OR9Q1: variants seen among roughly 807,000 people sequenced by gnomAD.
The protein encoded by OR9Q1 is olfactory receptor 9Q1.
For synonymous variants in OR9Q1, 153 were observed against 148.6 expected, an observed-to-expected ratio of 1.03 and a Z score of -0.22; for missense variants, 374 against 378.8, an observed-to-expected ratio of 0.99 and a Z score of 0.11.
chr11:58,148,487 T>A (rs1306016527), intron 2 of OR9Q1, among the ~76,000 whole-genome samples: 1 of 152,132 alleles, frequency 6.6e-6, no homozygotes, highest in African/African-American at 2.4e-5. Context: ...CAATTCTATT[T>A]GTCTAAGCTA....
At chr11:58,139,727 A>G (rs1315855377) in intron 2 of OR9Q1, among the ~76,000 whole-genome samples, 2 of 152,100 alleles carry the variant, frequency 1.3e-5, no homozygotes, top group Admixed American at 6.6e-5. Flanking sequence ...TATTGTGAAT[A>G]GTGCTGCAAT....
chr11:58,029,327 T>C (rs751489540), intron 1 of OR9Q1, among the ~76,000 whole-genome samples: 2 of 152,146 alleles, frequency 1.3e-5, no homozygotes, highest in Non-Finnish European at 2.9e-5. Context: ...ACAGGCTGGA[T>C]AGGCTTCCTC....
intron 1 of OR9Q1, among the ~76,000 whole-genome samples, chr11:58,025,327 A>G (rs1247339181): frequency 6.6e-6 from 1 of 151,988 alleles, no homozygotes. Flanking sequence ...CCGTGCTACT[A>G]TAGGGTGTGT....
At chr11:58,098,496 ATTAACTTTGT>A (rs1371396316) in intron 2 of OR9Q1, among the ~76,000 whole-genome samples, 1 of 152,116 alleles carries the variant, frequency 6.6e-6, no homozygotes, top group Non-Finnish European at 1.5e-5. Context: ...AGGGACAAAA[ATTAACTTTGT>A]TGGAGTTTTA....
intron 2 of OR9Q1, among the ~76,000 whole-genome samples, chr11:58,147,891 A>G (rs920977308): frequency 1.3e-5 from 2 of 152,216 alleles, no homozygotes; most frequent in Non-Finnish European, 2.9e-5. Context: ...GATTCTACAC[A>G]TATTCTCTTA....
At chr11:58,126,845 G>A (rs770593950) in intron 2 of OR9Q1, among the ~76,000 whole-genome samples, 5 of 152,142 alleles carry the variant, frequency 3.3e-5, no homozygotes, top group Non-Finnish European at 5.9e-5. Context: ...GTAGAATGGG[G>A]TGACTATACA....
rs147196085 is a variant in OR9Q1, at chr11:58,179,665, C to T, written c.221C>T (p.Ser74Leu). 1 of 1,613,776 alleles carries T rather than the reference C, an allele frequency of 6.2e-7. No homozygotes were observed. The highest frequency in any genetic ancestry group is 1.3e-5 in the African/African-American group (1 of 74,938). Residue 74 changes from serine (S) to leucine (L), a missense_variant, in exon 3 of 3, where the codon TCA becomes TTA. Transcript: ENST00000335397. Reference sequence around the variant, plus strand: ...CTCGCTTTCATGGACGTCTGCTACTCATCTATCACTGTCCCCCAGATGCTG... The same window carrying T: ...CTCGCTTTCATGGACGTCTGCTACTTATCTATCACTGTCCCCCAGATGCTG... ...SHLAFMDVCY[S>L]SITVPQMLAV...
In OR9Q1 at chr11:58,151,085, A is replaced by T. The variant is rs192721080; in HGVS notation, c.-14-28346A>T. ...TTATCCATTTTTAGTTCATTTTTGT[A>T]TGGGTATGCCACATGCAAGTTAAGG... On this transcript the variant is annotated intron_variant, in intron 2 of 2. Transcript: ENST00000335397. Among the ~76,000 whole-genome samples the T allele has an allele frequency of 3.9e-3, 599 of 152,248 alleles. 1 individual carries two copies. Among genetic ancestry groups the T allele is most frequent in the Non-Finnish European group, 5.1e-3 (349 of 68,028 alleles).
chr11:58,119,154 A>T (rs1483542487), intron 2 of OR9Q1: 1 of 1,613,944 alleles, frequency 6.2e-7, no homozygotes, highest in Admixed American at 1.7e-5. Context: ...ACTGGGCAGC[A>T]CAGTGGCCGT....
chr11:58,125,062 A>T (rs937975374), intron 2 of OR9Q1, among the ~76,000 whole-genome samples: 1 of 152,142 alleles, frequency 6.6e-6, no homozygotes, highest in Non-Finnish European at 1.5e-5. Context: ...AGTACATATG[A>T]CTAATTCTAC....
chr11:58,088,136 C>T lies in OR9Q1; in HGVS notation c.-15+32189C>T, dbSNP rs112857509. On this transcript the variant is annotated intron_variant, in intron 2 of 2. Coordinates refer to ENST00000335397, the MANE Select transcript of OR9Q1 (RefSeq NM_001005212.4). The stretch of plus-strand genomic sequence containing the variant: ...GAGTACAGGCATGAGCCACCGCACC[C>T]GGCCTGACATGAACTCATTCTTTTT... Among the ~76,000 whole-genome samples the T allele has an allele frequency of 3.0e-3, 452 of 151,896 alleles. 14 individuals carry two copies. Among genetic ancestry groups the T allele is most frequent in the African/African-American group, 0.01 (430 of 41,250 alleles).
At chr11:58,082,955 C>G (rs1008952045) in intron 2 of OR9Q1, among the ~76,000 whole-genome samples, 2 of 150,838 alleles carry the variant, frequency 1.3e-5, no homozygotes, top group African/African-American at 4.9e-5. Flanking sequence ...CTTCCCCCAC[C>G]CCACAACAGT....
chr11:58,049,031 G>A (rs1853250467), intron 1 of OR9Q1, among the ~76,000 whole-genome samples: 1 of 8,630 alleles, frequency 1.2e-4, no homozygotes, highest in African/African-American at 4.0e-4. Flanking sequence ...GGAGGAACTG[G>A]TACCATTCCT....
At position 58,061,809 on chromosome 11, in the gene OR9Q1, T is replaced by A. The variant is rs560744817; in HGVS notation, c.-15+5862T>A. Reference sequence around the variant, plus strand: ...CAAGTTAAAGGTAGCACTTAGCATATGTTAAGCATTGAGGTGCCAGCGGTG... The same window carrying A: ...CAAGTTAAAGGTAGCACTTAGCATAAGTTAAGCATTGAGGTGCCAGCGGTG... On this transcript the variant is annotated intron_variant, in intron 2 of 2. Coordinates refer to ENST00000335397, the MANE Select transcript of OR9Q1 (RefSeq NM_001005212.4). Among the ~76,000 whole-genome samples the A allele has an allele frequency of 3.3e-5, 5 of 152,344 alleles. No homozygotes were observed. The East Asian group carries it at 9.6e-4, about 29-fold the overall frequency.
intron 1 of OR9Q1, among the ~76,000 whole-genome samples, chr11:58,050,584 C>T (rs1853264751): frequency 8.6e-6 from 1 of 116,692 alleles, no homozygotes; most frequent in Non-Finnish European, 1.8e-5. Flanking sequence ...CAACAAAAGC[C>T]AAAATTGACA....
At chr11:58,151,838 G>A (rs923152090) in intron 2 of OR9Q1, among the ~76,000 whole-genome samples, 3 of 151,914 alleles carry the variant, frequency 2.0e-5, no homozygotes, top group Non-Finnish European at 4.4e-5. Context: ...CCTTGGTTCT[G>A]AAGTTACTCA....
chr11:58,152,670 T>C (rs1854364850), intron 2 of OR9Q1, among the ~76,000 whole-genome samples: 1 of 152,244 alleles, frequency 6.6e-6, no homozygotes, highest in Admixed American at 6.5e-5. Flanking sequence ...TTTGAGTTCA[T>C]TTATGATGCT....
At chr11:58,099,611 C>G (rs1414553497) in intron 2 of OR9Q1, among the ~76,000 whole-genome samples, 7 of 152,082 alleles carry the variant, frequency 4.6e-5, no homozygotes, top group Admixed American at 4.6e-4. Flanking sequence ...TTTCCTTGAA[C>G]TGTGTCCCTT....
chr11:58,030,186 G>C (rs1005117664), intron 1 of OR9Q1, among the ~76,000 whole-genome samples: 1 of 152,052 alleles, frequency 6.6e-6, no homozygotes, highest in Non-Finnish European at 1.5e-5. Flanking sequence ...CCTTCTAAGG[G>C]GTAAAAAGAA....
Sources: allele counts gnomAD v4.1 joint callset (sites outside exome capture counted in the v4.1 genomes callset), GRCh38; gene constraint gnomAD v4.1.1; transcripts MANE v1.5; gene names NCBI Gene and HGNC (gene_info 2026-07-23, HGNC 2026-07-21).